RHCG: variants seen among roughly 807,000 people sequenced by gnomAD.
The protein encoded by RHCG is Rh family C glycoprotein.
RHCG carries 39 observed loss-of-function variants against 55.3 expected under a neutral mutation model. The ratio of observed to expected loss-of-function variants is 0.70; its 90% CI spans 0.55 to 0.92. RHCG has a LOEUF of 0.92. RHCG is among the 40% of genes least tolerant of loss of function. The pLI is 0.00. For missense variants in RHCG, 635 were observed against 627.9 expected (o/e 1.01, Z -0.12); for synonymous variants, 250 against 246.8 (o/e 1.01, Z -0.12).
In RHCG at chr15:89,477,673, G is replaced by T. The variant is rs765911289; in HGVS notation, c.976-20C>A. ...GAATGGCTGGAGACGGGAGGTGGGT[G>T]CTGCTCAGGCCGGGGGCTGCATCAA... is the stretch of plus-strand genomic sequence containing the variant. On this transcript the variant is annotated intron_variant, in intron 6 of 10. Transcript: ENST00000268122. This position sits in a 1 kb window ranked among gnomAD's most constrained non-coding sequence, Gnocchi z 4.5. 1 of 1,613,722 alleles carries T rather than the reference G, an allele frequency of 6.2e-7. No homozygotes were observed. The highest frequency in any genetic ancestry group is 8.5e-7 in the Non-Finnish European group (1 of 1,179,886).
At chr15:89,488,951 T>C (rs1239083824) in intron 1 of RHCG, among the ~76,000 whole-genome samples, 1 of 152,124 alleles carries the variant, frequency 6.6e-6, no homozygotes, top group Non-Finnish European at 1.5e-5. Flanking sequence ...GGAAATATAC[T>C]GGAATAGTTA....
chr15:89,476,717 G>A (rs1338606500), intron 9 of RHCG, 38 bp downstream of exon 9: 3 of 1,553,196 alleles, frequency 1.9e-6, no homozygotes, highest in African/African-American at 2.7e-5. Context: ...AGGGAACGCA[G>A]CTGCCCTCCT....
intron 3 of RHCG, among the ~76,000 whole-genome samples, chr15:89,480,727 C>G (rs937563162): frequency 6.6e-6 from 1 of 152,196 alleles, no homozygotes; most frequent in Non-Finnish European, 1.5e-5. Context: ...AACAACCTAC[C>G]TGCTTTGTCA....
chr15:89,486,516 A>G (rs974574681), intron 2 of RHCG: 5 of 507,394 alleles, frequency 9.9e-6, no homozygotes, highest in South Asian at 4.6e-5. Context: ...GACGACTCCC[A>G]CCCTGGAGAA....
intron 5 of RHCG, among the ~76,000 whole-genome samples, chr15:89,478,689 C>G (rs943449203): frequency 6.6e-6 from 1 of 152,158 alleles, no homozygotes; most frequent in Non-Finnish European, 1.5e-5. Flanking sequence ...ATTCTCTTCC[C>G]CAGGTGCCTG....
rs772870931 is a variant in RHCG, at chr15:89,483,196, G to T, written c.393C>A (p.Cys131Ter). The change falls in exon 3 of 11, where the codon TGC becomes TGA. Residue 131 changes from cysteine (C) to a stop codon, truncating the protein, a stop_gained. Transcript: ENST00000268122. LOFTEE classifies it high-confidence loss of function. ...GVENLINADF[C>*]VASVCVAFGA... The stretch of plus-strand genomic sequence containing the variant: ...CAAAGGCCACGCAGACAGAGGCCAC[G>T]CAGAAGTCAGCGTTGATGAGGCTGT... 2 of 1,581,456 alleles carry T rather than the reference G, an allele frequency of 1.3e-6. No individual in the cohort carries two copies. Among genetic ancestry groups the T allele is most frequent in the Admixed American group, 3.4e-5 (2 of 59,302 alleles).
intron 5 of RHCG, among the ~76,000 whole-genome samples, chr15:89,478,778 C>G (rs1036151790): frequency 6.6e-6 from 1 of 152,172 alleles, no homozygotes; most frequent in Non-Finnish European, 1.5e-5. Context: ...CATATGCCCA[C>G]GTCAAGACGC....
At position 89,477,392 on chromosome 15, in the gene RHCG, A is replaced by G; in HGVS notation, c.1112+125T>C. 7.0e-7 allele frequency: 1 copy of G among 1,430,656 alleles called. No individual in the cohort carries two copies. Among genetic ancestry groups the G allele is most frequent in the Non-Finnish European group, 9.5e-7 (1 of 1,054,018 alleles). The allele number at this position is 1,430,656 out of a possible 1,614,324, so 88.6% of individuals were successfully genotyped here. ...GAGTTTGGGGAGAGAGACCCATGAA[A>G]CAATTGGTCCAGAGTGGGGAAGGAA... On this transcript the variant is annotated intron_variant, in intron 7 of 10. Coordinates refer to ENST00000268122, the MANE Select transcript of RHCG (RefSeq NM_016321.3). The surrounding 1 kb of genome is among the most constrained non-coding windows in gnomAD (Gnocchi z 4.5).
rs145390969 is a variant in RHCG at position 89,484,465 on chromosome 15, T to C, written c.372-1248A>G. Reference sequence around the variant, plus strand: ...ATAACTGCAGCTGGAAGATTCATCTTGATAGAAGTGACCATTAGAAAGGAG... The same window carrying C: ...ATAACTGCAGCTGGAAGATTCATCTCGATAGAAGTGACCATTAGAAAGGAG... On this transcript the variant is annotated intron_variant, in intron 2 of 10. Coordinates refer to ENST00000268122, the MANE Select transcript of RHCG (RefSeq NM_016321.3). Among the ~76,000 whole-genome samples the C allele has an allele frequency of 6.3e-3, 955 of 152,238 alleles. 11 individuals are homozygous for C. Among genetic ancestry groups the C allele is most frequent in the African/African-American group, 0.022 (909 of 41,532 alleles).
Position 89,477,272 on chromosome 15 carries a change from C to T in RHCG, c.1113-66G>A. 1 of 1,596,588 alleles carries T rather than the reference C, an allele frequency of 6.3e-7. No individual in the cohort carries two copies. Among genetic ancestry groups the T allele is most frequent in the African/African-American group, 1.3e-5 (1 of 74,332 alleles). On this transcript the variant is annotated intron_variant, in intron 7 of 10. Coordinates refer to ENST00000268122, the MANE Select transcript of RHCG (RefSeq NM_016321.3). The surrounding 1 kb of genome is among the most constrained non-coding windows in gnomAD (Gnocchi z 4.5). ...GGCCAAGTAACAGCTTGCTGCCACC[C>T]CAAAAATGTGACCGGGTACCACGGG...
In RHCG at chr15:89,480,272, A is replaced by C; in HGVS notation, c.659T>G (p.Phe220Cys). The C allele has an allele frequency of 6.2e-7, 1 of 1,614,036 alleles. No homozygotes were observed. Among genetic ancestry groups the C allele is most frequent in the African/African-American group, 1.3e-5 (1 of 75,030 alleles). ...RQNSVYQSDLFAMIGTLFLWM... is the reference protein window; with the variant it reads ...RQNSVYQSDLCAMIGTLFLWM... ...ATGGCAGTTCTCACCAATCATGGCA[A>C]AGAGGTCCGACTGGTACACAGAATT... The change falls in exon 4 of 11, where the codon TTT becomes TGT. Residue 220 changes from phenylalanine to cysteine, a missense_variant. Physicochemically the swap from Phe to Cys is radical, Grantham distance 205. Coordinates refer to ENST00000268122, the MANE Select transcript of RHCG (RefSeq NM_016321.3).
intron 2 of RHCG, chr15:89,486,273 C>G (rs1277307941): frequency 8.8e-6 from 4 of 456,526 alleles, no homozygotes; most frequent in African/African-American, 8.0e-5. Flanking sequence ...AGAGGTACCT[C>G]CATTTGGCTG....
chr15:89,475,455 A>G lies in RHCG; in HGVS notation c.1311+1300T>C, dbSNP rs189754329. Among the ~76,000 whole-genome samples, 15 of 152,282 alleles carry G rather than the reference A, an allele frequency of 9.9e-5. No individual in the cohort carries two copies. In the East Asian group the frequency reaches 2.5e-3, roughly 25 times the overall value. ...GAGACAGGGTTTTGCCATGTTGGCT[A>G]GGCTGGTCTCGAACTCCTGACCTCA... On this transcript the variant is annotated intron_variant, in intron 9 of 10. Coordinates refer to ENST00000268122, the MANE Select transcript of RHCG (RefSeq NM_016321.3).
chr15:89,481,701 A>T (rs548152053), intron 3 of RHCG, among the ~76,000 whole-genome samples: 27 of 152,330 alleles, frequency 1.8e-4, no homozygotes, highest in African/African-American at 5.5e-4. Context: ...GCCTTATAAC[A>T]AGTTTGGATT....
intron 1 of RHCG, 118 bp from the exon 2 acceptor site, chr15:89,487,103 C>G: frequency 1.1e-6 from 1 of 945,774 alleles, no homozygotes; most frequent in African/African-American, 1.7e-5. Flanking sequence ...GCGCGTCTCC[C>G]TGCTCCACCA....
In RHCG at chr15:89,493,642, T is replaced by C. The variant is rs570626717; in HGVS notation, c.184+2719A>G. On this transcript the variant is annotated intron_variant, in intron 1 of 10. Coordinates refer to ENST00000268122, the MANE Select transcript of RHCG (RefSeq NM_016321.3). ...CACCTCGCTGCCCAGGAACCCAGGCTTGGGGACTCACATGGGCCAGGAAGC... is the reference window on the plus strand; with the variant it reads ...CACCTCGCTGCCCAGGAACCCAGGCCTGGGGACTCACATGGGCCAGGAAGC... Among the ~76,000 whole-genome samples the C allele has an allele frequency of 1.2e-4, 18 of 152,260 alleles. No homozygotes were observed. The East Asian group carries it at 2.3e-3, about 20-fold the overall frequency.
chr15:89,486,595 AGAGAGTGTGTGTGT>A (rs1441381591), intron 2 of RHCG, 190 bp downstream of exon 2: 11 of 333,524 alleles, frequency 3.3e-5, no homozygotes, highest in East Asian at 2.5e-4. Flanking sequence ...AGAGAGAGAG[AGAGAGTGTGTGTGT>A]GTGTGTGTGT....
chr15:89,489,138 CA>C (rs1961428012), intron 1 of RHCG, among the ~76,000 whole-genome samples: 1 of 152,156 alleles, frequency 6.6e-6, no homozygotes, highest in Non-Finnish European at 1.5e-5. Context: ...GTTGTTGAGA[CA>C]TAGTCTCATT....
At chr15:89,478,647 G>T (rs1318122882) in intron 5 of RHCG, among the ~76,000 whole-genome samples, 1 of 152,148 alleles carries the variant, frequency 6.6e-6, no homozygotes, top group African/African-American at 2.4e-5. Context: ...GGTGGGTGTG[G>T]ATACACACAG....
Sources: gnomAD v4.1 joint callset for allele counts (sites outside exome capture counted in the v4.1 genomes callset) on GRCh38, gnomAD v4.1.1 for gene constraint, Gnocchi (gnomAD v3.1) non-coding constraint, MANE v1.5 for transcripts, NCBI Gene and HGNC (gene_info 2026-07-23, HGNC 2026-07-21) for gene names.